Variants in SEC24D observed in about 807,000 individuals in gnomAD.
SEC24D encodes SEC24 homolog D, COPII component, also known as protein transport protein Sec24D.
Under a neutral mutation model 116.9 loss-of-function variants are expected in SEC24D, and 69 were observed. That is an observed-to-expected ratio of 0.59 (90% CI 0.49 to 0.72). The LOEUF (loss-of-function observed/expected upper bound fraction) is 0.72. SEC24D is among the 30% of genes least tolerant of loss of function. The pLI, the probability that SEC24D is intolerant of heterozygous loss-of-function variation, is 0.00. For synonymous variants in SEC24D, 405 were observed against 442.8 expected (o/e 0.91, Z 1.07); for missense variants, 1,131 against 1,264.1 (o/e 0.89, Z 1.60).
chr4:118,759,020 AT>A (rs992998098), intron 10 of SEC24D, among the ~76,000 whole-genome samples: 1 of 152,202 alleles, frequency 6.6e-6, no homozygotes, highest in African/African-American at 2.4e-5. Flanking sequence ...CATTAGTTAA[AT>A]CAAAACCTCT....
chr4:118,834,054 A>T (rs1162876360), intron 1 of SEC24D, among the ~76,000 whole-genome samples: 1 of 152,190 alleles, frequency 6.6e-6, no homozygotes, highest in Non-Finnish European at 1.5e-5. Context: ...TGTTCCTATG[A>T]TTTTGTGCTT....
At chr4:118,732,643 C>A (rs1045399848) in intron 20 of SEC24D, 90 bp downstream of exon 20, 1 of 1,250,328 alleles carries the variant, frequency 8.0e-7, no homozygotes, top group Non-Finnish European at 1.1e-6. Context: ...CTCTTAAGAA[C>A]AACATATTTC....
At chr4:118,763,795 A>T (rs1727506220) in intron 10 of SEC24D, among the ~76,000 whole-genome samples, 1 of 152,222 alleles carries the variant, frequency 6.6e-6, no homozygotes, top group Non-Finnish European at 1.5e-5. Context: ...TAAATGTCAT[A>T]AAGATGACGA....
At chr4:118,754,887 G>T (rs1727011585) in intron 11 of SEC24D, among the ~76,000 whole-genome samples, 1 of 152,038 alleles carries the variant, frequency 6.6e-6, no homozygotes, top group Non-Finnish European at 1.5e-5. Context: ...ATCACAAAGG[G>T]CTTTTATTCT....
intron 19 of SEC24D, 103 bp from the exon 20 acceptor site, chr4:118,733,015 A>C: frequency 1.0e-6 from 1 of 997,560 alleles, no homozygotes; most frequent in Non-Finnish European, 1.5e-6. Context: ...TGAACTTGTA[A>C]GGATGTAAGG....
chr4:118,789,406 C>T (rs932654036), intron 8 of SEC24D, among the ~76,000 whole-genome samples: 4 of 152,174 alleles, frequency 2.6e-5, no homozygotes, highest in Admixed American at 6.5e-5. Context: ...ACTGACGTAA[C>T]GTATTGGTGC....
chr4:118,815,421 A>C (rs1560746044), intron 5 of SEC24D, 30 bp downstream of exon 5: 3 of 1,610,276 alleles, frequency 1.9e-6, no homozygotes, highest in Non-Finnish European at 2.5e-6. Flanking sequence ...GGGTAACACA[A>C]AGCCTTCCCC....
At chr4:118,792,991 A>G (rs1729000341) in intron 8 of SEC24D, among the ~76,000 whole-genome samples, 1 of 152,200 alleles carries the variant, frequency 6.6e-6, no homozygotes, top group South Asian at 2.1e-4. Flanking sequence ...TACAGATGAT[A>G]TTTAGTTTTT....
chr4:118,731,079 C>CTGGA (rs1368647097), intron 21 of SEC24D: 8 of 488,044 alleles, frequency 1.6e-5, no homozygotes, highest in African/African-American at 1.4e-4. Flanking sequence ...AGTTAATGAT[C>CTGGA]TGGAAGTGTT....
intron 13 of SEC24D, among the ~76,000 whole-genome samples, chr4:118,748,363 T>C (rs182396464): frequency 3.3e-5 from 5 of 152,306 alleles, no homozygotes; most frequent in African/African-American, 7.2e-5. Context: ...GTCATATTTA[T>C]TTTTTCCTTA....
At chr4:118,780,907 CTTTTTTTTTTTTTT>C (rs143712578) in intron 8 of SEC24D, among the ~76,000 whole-genome samples, 1 of 61,834 alleles carries the variant, frequency 1.6e-5, no homozygotes, top group Non-Finnish European at 3.0e-5. Flanking sequence ...GCAACCCCTG[CTTTTTTTTTTTTTT>C]TTTTTTTTTT....
intron 4 of SEC24D, among the ~76,000 whole-genome samples, chr4:118,816,318 A>G (rs1241647659): frequency 6.6e-6 from 1 of 152,210 alleles, no homozygotes; most frequent in African/African-American, 2.4e-5. Flanking sequence ...TAATTACATG[A>G]TATATGCATT....
At chr4:118,795,847 C>T (rs972814895) in intron 8 of SEC24D, among the ~76,000 whole-genome samples, 7 of 152,230 alleles carry the variant, frequency 4.6e-5, no homozygotes, top group Middle Eastern at 6.8e-3. Context: ...ATAGGTGTCT[C>T]GGCTACATAG....
intron 22 of SEC24D, 28 bp downstream of exon 22, chr4:118,728,533 A>G (rs1224293466): frequency 3.6e-6 from 5 of 1,404,384 alleles, no homozygotes; most frequent in South Asian, 2.4e-5. Context: ...ACATTTGAAT[A>G]AAGGGAAAAA....
intron 13 of SEC24D, among the ~76,000 whole-genome samples, chr4:118,745,321 A>C (rs1726461007): frequency 6.6e-6 from 1 of 152,204 alleles, no homozygotes; most frequent in East Asian, 1.9e-4. Flanking sequence ...AGGTCTGTGT[A>C]TCATAACACT....
rs868046970 is a variant in SEC24D at position 118,768,228 on chromosome 4, C to T, written c.1125G>A (p.Gln375=). 1.1e-5 allele frequency: 17 copies of T among 1,613,756 alleles called. No homozygotes were observed. The highest frequency in any genetic ancestry group is 1.6e-4 in the Middle Eastern group (1 of 6,082). ...RCKAYMCPFM[Q]FIEGGRRYQC... is the part of the protein sequence containing the mutation. ...GATATCTCCTTCCTCCTTCGATGAA[C>T]TGCATAAATGGGCACATGTAGGCCT... Residue 375 remains glutamine, a synonymous_variant, in exon 9 of 23, where the codon CAG becomes CAA. Coordinates refer to ENST00000280551, the MANE Select transcript of SEC24D (RefSeq NM_014822.4).
At chr4:118,735,441 G>A (rs10023705) in intron 19 of SEC24D, among the ~76,000 whole-genome samples, 2,211 of 152,192 alleles carry the variant, frequency 0.015, 56 homozygotes, top group African/African-American at 0.05. Flanking sequence ...CATATAAGTC[G>A]AGCTTGCTTG....
chr4:118,827,224 C>T (rs900814724), intron 2 of SEC24D, among the ~76,000 whole-genome samples: 1 of 152,124 alleles, frequency 6.6e-6, no homozygotes, highest in African/African-American at 2.4e-5. Context: ...TGGGGTCAGA[C>T]TGCAAAGTCC....
intron 8 of SEC24D, among the ~76,000 whole-genome samples, chr4:118,772,754 T>C (rs1727957718): frequency 6.6e-6 from 1 of 152,176 alleles, no homozygotes; most frequent in Non-Finnish European, 1.5e-5. Context: ...TGGTGTGTCC[T>C]GGCACACGGC....
Sources: gnomAD v4.1 joint callset for allele counts (sites outside exome capture counted in the v4.1 genomes callset) on GRCh38, gnomAD v4.1.1 for gene constraint, MANE v1.5 for transcripts, NCBI Gene and HGNC (gene_info 2026-07-23, HGNC 2026-07-21) for gene names.